The following SLC1A4 variants were observed in gnomAD, a reference collection of about 807,000 sequenced individuals.
The protein encoded by SLC1A4 is neutral amino acid transporter A.
SLC1A4 carries 19 observed loss-of-function variants against 37.7 expected under a neutral mutation model. The observed-to-expected ratio is 0.50, with a 90% confidence interval of 0.35 to 0.74. The LOEUF (loss-of-function observed/expected upper bound fraction) is 0.74. SLC1A4 is among the 30% of genes least tolerant of loss of function. The pLI, the probability that SLC1A4 is intolerant of heterozygous loss-of-function variation, is 0.01. For synonymous variants in SLC1A4, 299 were observed against 309.8 expected, an observed-to-expected ratio of 0.97 and a Z score of 0.37; for missense variants, 570 against 712.9, an observed-to-expected ratio of 0.80 and a Z score of 2.28.
In SLC1A4 at chr2:65,018,089, TATG is replaced by T. The variant is rs774404301; in HGVS notation, c.1058_1060del (p.Met353del). 1 of 1,613,872 alleles carries T rather than the reference TATG, an allele frequency of 6.2e-7. No homozygotes were observed. Among genetic ancestry groups the T allele is most frequent in the South Asian group, 1.1e-5 (1 of 91,062 alleles). On this transcript the variant is annotated inframe_deletion, in exon 6 of 8. Transcript: ENST00000234256. This position sits in a 1 kb window ranked among gnomAD's most constrained non-coding sequence, Gnocchi z 4.3. ...TTTCTAGCTCAGCGACCCTTCCCTCTATGATGAAGTGCATTGAAGAGAACAATG... is the reference window on the plus strand; with the variant it reads ...TTTCTAGCTCAGCGACCCTTCCCTCTATGAAGTGCATTGAAGAGAACAATG...
At chr2:65,003,543 T>C (rs1673558403) in intron 2 of SLC1A4, among the ~76,000 whole-genome samples, 1 of 152,102 alleles carries the variant, frequency 6.6e-6, no homozygotes, top group African/African-American at 2.4e-5. Context: ...CATAAATAAA[T>C]GAATGGAAAT....
In SLC1A4 at chr2:65,004,022, CT is replaced by C; in HGVS notation, c.633+12del. 1 of 1,604,488 alleles carries C rather than the reference CT, an allele frequency of 6.2e-7. No homozygotes were observed. Among genetic ancestry groups the C allele is most frequent in the Non-Finnish European group, 8.5e-7 (1 of 1,171,318 alleles). Reference sequence around the variant, plus strand: ...AAATGTAACCCATGAAAAGGTAAAGCTTTTTATAAGGTCACTTGTAAAAATA... The same window carrying C: ...AAATGTAACCCATGAAAAGGTAAAGCTTTTATAAGGTCACTTGTAAAAATA... On this transcript the variant is annotated splice_region_variant and intron_variant, in intron 3 of 7. Transcript: ENST00000234256.
chr2:65,002,411 G>A (rs1265386071), intron 2 of SLC1A4, among the ~76,000 whole-genome samples: 12 of 150,386 alleles, frequency 8.0e-5, no homozygotes, highest in Non-Finnish European at 1.6e-4. Flanking sequence ...TTCTCATGTC[G>A]GTAGCTACCC....
At chr2:65,020,814 C>G in intron 7 of SLC1A4, 98 bp from the exon 8 acceptor site, 2 of 922,928 alleles carry the variant, frequency 2.2e-6, no homozygotes, top group Non-Finnish European at 1.8e-6. Context: ...CAACAGGGCC[C>G]CTCACAATCA....
At chr2:65,007,501 T>C (rs746498107) in intron 3 of SLC1A4, among the ~76,000 whole-genome samples, 7 of 152,164 alleles carry the variant, frequency 4.6e-5, no homozygotes, top group Non-Finnish European at 1.0e-4. Context: ...GCAGCCAGCA[T>C]ACCTTGCTCC....
At chr2:65,006,676 C>T (rs761651024) in intron 3 of SLC1A4, among the ~76,000 whole-genome samples, 8 of 151,972 alleles carry the variant, frequency 5.3e-5, no homozygotes, top group African/African-American at 1.5e-4. Flanking sequence ...TGGTGACTCA[C>T]GCTTGTAATC....
intron 2 of SLC1A4, among the ~76,000 whole-genome samples, chr2:65,002,567 A>ATTTTTTTTTTTTTTTTT (rs1324825931): frequency 2.0e-4 from 23 of 115,502 alleles, no homozygotes; most frequent in Admixed American, 4.0e-4. Flanking sequence ...TCCTGTGACC[A>ATTTTTTTTTTTTTTTTT]TTCTTTTTTT....
At chr2:65,014,719 A>G (rs1281133618) in intron 4 of SLC1A4, among the ~76,000 whole-genome samples, 1 of 152,258 alleles carries the variant, frequency 6.6e-6, no homozygotes, top group East Asian at 1.9e-4. Context: ...TAAAATATGC[A>G]CATCCTATAA....
chr2:65,021,505 C>G lies in SLC1A4; in HGVS notation c.*359C>G. 1 of 244,896 alleles carries G rather than the reference C, an allele frequency of 4.1e-6. No individual in the cohort carries two copies. The highest frequency in any genetic ancestry group is 7.3e-5 in the South Asian group (1 of 13,694). 15.2% of individuals were successfully genotyped at this position (244,896 alleles called of 1,614,324 possible). A position where few individuals can be genotyped will look rare whatever the true frequency, so the allele number is the denominator to read the frequency against. ...AAATGCAGATGTATTTCACTCTCCC[C>G]GGTCAGCTCTGCATCAGGTGTTTTC... On this transcript the variant is annotated 3_prime_UTR_variant, in exon 8 of 8. Coordinates refer to ENST00000234256, the MANE Select transcript of SLC1A4 (RefSeq NM_003038.5).
chr2:65,019,660 G>C (rs1337802771), intron 7 of SLC1A4, among the ~76,000 whole-genome samples: 1 of 152,204 alleles, frequency 6.6e-6, no homozygotes, highest in Non-Finnish European at 1.5e-5. Context: ...AGAGCAATGA[G>C]GGTAAAATCT....
chr2:65,017,968 C>A, intron 5 of SLC1A4, 103 bp from the exon 6 acceptor site: 1 of 921,564 alleles, frequency 1.1e-6, no homozygotes, highest in Non-Finnish European at 1.6e-6. Context: ...AAGCCAGAAA[C>A]GAAGATGGTG....
chr2:65,010,445 C>A, intron 3 of SLC1A4, 152 bp from the exon 4 acceptor site: 1 of 653,252 alleles, frequency 1.5e-6, no homozygotes, highest in East Asian at 2.9e-5. Context: ...GTTTCCTACC[C>A]CTTTATTTGC....
rs1674490957 is a variant in SLC1A4, at chr2:65,023,113, A to T, written c.*1967A>T. 1.3e-5 allele frequency: 2 copies of T among 152,282 alleles called. No individual in the cohort carries two copies. Among genetic ancestry groups the T allele is most frequent in the South Asian group, 2.1e-4 (1 of 4,836 alleles). 9.4% of individuals were successfully genotyped at this position (152,282 alleles called of 1,614,324 possible). On this transcript the variant is annotated 3_prime_UTR_variant, in exon 8 of 8. Coordinates refer to ENST00000234256, the MANE Select transcript of SLC1A4 (RefSeq NM_003038.5). The stretch of plus-strand genomic sequence containing the variant: ...GTCTCCTGTGAAGCCAAAAGGGACC[A>T]GGAACCGTGCAAAGGAAACTGGAAA...
Position 65,018,451 on chromosome 2 carries a change from A to C in SLC1A4, c.1230-94A>C. On this transcript the variant is annotated intron_variant, in intron 6 of 7. Coordinates refer to ENST00000234256, the MANE Select transcript of SLC1A4 (RefSeq NM_003038.5). This position sits in a 1 kb window ranked among gnomAD's most constrained non-coding sequence, Gnocchi z 4.3. ...CAGAGCCTATGGTGGGGCGGTTTTT[A>C]GTTTCCAGCCACATTGCAGCTGCAT... The C allele has an allele frequency of 6.5e-7, 1 of 1,542,558 alleles. No homozygotes were observed. The highest frequency in any genetic ancestry group is 8.8e-7 in the Non-Finnish European group (1 of 1,140,804).
At chr2:65,010,173 C>CTG (rs1470402191) in intron 3 of SLC1A4, among the ~76,000 whole-genome samples, 4 of 152,172 alleles carry the variant, frequency 2.6e-5, no homozygotes, top group Non-Finnish European at 5.9e-5. Flanking sequence ...TTCAGGTGAT[C>CTG]CACTCGCCTT....
At position 65,018,676 on chromosome 2, in the gene SLC1A4, T is replaced by C. The variant is rs376729396; in HGVS notation, c.1361T>C (p.Ile454Thr). ...CCTCTGATCCTGGCTGTGGACTGGA[T>C]TGTGTAAGTAACAAGTCCTGAGAAC... is the stretch of plus-strand genomic sequence containing the variant. ...DLPLILAVDW[I>T]VDRTTTVVNV... Residue 454 changes from isoleucine to threonine, a missense_variant, in exon 7 of 8, where the codon ATT becomes ACT. Physicochemically the swap from Ile to Thr is moderately conservative, Grantham distance 89. Transcript: ENST00000234256. This position sits in a 1 kb window ranked among gnomAD's most constrained non-coding sequence, Gnocchi z 4.3. 41 of 1,614,002 alleles carry C rather than the reference T, an allele frequency of 2.5e-5. No homozygotes were observed. Among genetic ancestry groups the C allele is most frequent in the African/African-American group, 5.3e-5 (4 of 74,910 alleles).
chr2:64,989,607 C>T lies in SLC1A4; in HGVS notation c.-37C>T, dbSNP rs1052299549. 2.1e-6 allele frequency: 3 copies of T among 1,446,118 alleles called. No homozygotes were observed. The Admixed American group carries it at 8.8e-5, about 43-fold the overall frequency. The allele number at this position is 1,446,118 out of a possible 1,614,324, so 89.6% of individuals were successfully genotyped here. ...CCCCGTCTTTTGCCAGAGCCCACGT[C>T]CCCTGCCACCTCTAGCTCGGAGCGG... On this transcript the variant is annotated 5_prime_UTR_variant, in exon 1 of 8. Coordinates refer to ENST00000234256, the MANE Select transcript of SLC1A4 (RefSeq NM_003038.5).
Position 65,018,069 on chromosome 2 carries a change from A to G in SLC1A4, c.1035-2A>G. 1.9e-6 allele frequency: 3 copies of G among 1,611,184 alleles called. No individual in the cohort carries two copies. Among genetic ancestry groups the G allele is most frequent in the Non-Finnish European group, 2.5e-6 (3 of 1,177,860 alleles). The stretch of plus-strand genomic sequence containing the variant: ...CTGGCGGTTTGTTTTTCCCATTTCT[A>G]GCTCAGCGACCCTTCCCTCTATGAT... On this transcript the variant is annotated splice_acceptor_variant, in intron 5 of 7. Transcript: ENST00000234256. LOFTEE classifies it high-confidence loss of function. The surrounding 1 kb of genome is among the most constrained non-coding windows in gnomAD (Gnocchi z 4.3).
Position 65,008,761 on chromosome 2 carries a change from T to A in SLC1A4, c.634-1836T>A, listed in dbSNP as rs377240627. 6.2e-4 allele frequency among the ~76,000 whole-genome samples: 95 copies of A among 152,368 alleles called. 1 individual carries two copies. Among genetic ancestry groups the A allele is most frequent in the African/African-American group, 2.2e-3 (90 of 41,586 alleles). On this transcript the variant is annotated intron_variant, in intron 3 of 7. Coordinates refer to ENST00000234256, the MANE Select transcript of SLC1A4 (RefSeq NM_003038.5). Reference sequence around the variant, plus strand: ...TGATCTCCAAGATATTCCATTAATATAATAATAGTTCTTGTTGGTTTTCAT... The same window carrying A: ...TGATCTCCAAGATATTCCATTAATAAAATAATAGTTCTTGTTGGTTTTCAT...
Sources: allele counts gnomAD v4.1 joint callset (sites outside exome capture counted in the v4.1 genomes callset), GRCh38; gene constraint gnomAD v4.1.1; non-coding constraint Gnocchi (gnomAD v3.1); transcripts MANE v1.5; gene names NCBI Gene and HGNC (gene_info 2026-07-23, HGNC 2026-07-21).